Variants in ZPBP observed in about 807,000 individuals in gnomAD.
The protein encoded by ZPBP is zona pellucida-binding protein 1.
Under a neutral mutation model 44.8 loss-of-function variants are expected in ZPBP, and 26 were observed. That is an observed-to-expected ratio of 0.58 (90% CI 0.43 to 0.81). The LOEUF (loss-of-function observed/expected upper bound fraction) is 0.81, where lower values mean the gene tolerates loss of function less well. ZPBP is among the 30% of genes least tolerant of loss of function. The pLI is 0.00. For missense variants in ZPBP, 409 were observed against 434.0 expected, an observed-to-expected ratio of 0.94 and a Z score of 0.51; for synonymous variants, 174 against 153.2, an observed-to-expected ratio of 1.14 and a Z score of -1.00.
chr7:50,004,113 C>T (rs1440785688), intron 6 of ZPBP, among the ~76,000 whole-genome samples: 1 of 152,088 alleles, frequency 6.6e-6, no homozygotes, highest in Non-Finnish European at 1.5e-5. Flanking sequence ...ACATGTGAGT[C>T]AGGGGACCTG....
chr7:50,007,515 G>T (rs1798361131), intron 6 of ZPBP, among the ~76,000 whole-genome samples: 1 of 152,022 alleles, frequency 6.6e-6, no homozygotes, highest in African/African-American at 2.4e-5. Flanking sequence ...GTAGAAGACA[G>T]AAGCCTCTAG....
chr7:49,976,079 C>T (rs946214718), intron 7 of ZPBP, among the ~76,000 whole-genome samples: 3 of 152,072 alleles, frequency 2.0e-5, no homozygotes, highest in Admixed American at 1.3e-4. Flanking sequence ...TTACTTATAC[C>T]AGTTCTAGAC....
intron 1 of ZPBP, among the ~76,000 whole-genome samples, chr7:49,909,489 G>T (rs1433170656): frequency 2.0e-5 from 3 of 152,170 alleles, no homozygotes; most frequent in African/African-American, 7.2e-5. Flanking sequence ...GAGGCCAGTT[G>T]TGTGGGGTGT....
At chr7:49,895,727 G>C (rs1792353881) in intron 2 of ZPBP, among the ~76,000 whole-genome samples, 1 of 60,558 alleles carries the variant, frequency 1.7e-5, no homozygotes, top group Admixed American at 1.2e-4. Context: ...TAATTTTTCT[G>C]CCTGCATATT....
chr7:50,090,935 T>C (rs1214501568), intron 1 of ZPBP, among the ~76,000 whole-genome samples: 3 of 152,184 alleles, frequency 2.0e-5, no homozygotes, highest in Non-Finnish European at 4.4e-5. Flanking sequence ...ACCAGCAGTG[T>C]AGAAGTGTTC....
chr7:50,064,113 AAG>A (rs1418906753), intron 3 of ZPBP, among the ~76,000 whole-genome samples: 8 of 152,204 alleles, frequency 5.3e-5, no homozygotes, highest in Non-Finnish European at 1.0e-4. Context: ...CAGAGTACAA[AAG>A]AGAGAAATTT....
intron 2 of ZPBP, among the ~76,000 whole-genome samples, chr7:50,083,398 A>T (rs1802469010): frequency 6.6e-6 from 1 of 151,990 alleles, no homozygotes; most frequent in African/African-American, 2.4e-5. Flanking sequence ...CATAATCATG[A>T]CTGCATACAC....
At chr7:50,061,292 G>A (rs1801223760) in intron 3 of ZPBP, among the ~76,000 whole-genome samples, 1 of 152,160 alleles carries the variant, frequency 6.6e-6, no homozygotes, top group African/African-American at 2.4e-5. Flanking sequence ...TATTAACATA[G>A]TTCTGGAAGT....
intron 7 of ZPBP, among the ~76,000 whole-genome samples, chr7:49,983,051 T>C (rs1445270770): frequency 6.6e-6 from 1 of 152,040 alleles, no homozygotes; most frequent in Non-Finnish European, 1.5e-5. Context: ...AATTGGCTTT[T>C]TTTAAAGTCA....
At chr7:50,053,161 T>C (rs1800773063) in intron 4 of ZPBP, among the ~76,000 whole-genome samples, 1 of 152,192 alleles carries the variant, frequency 6.6e-6, no homozygotes, top group African/African-American at 2.4e-5. Flanking sequence ...GCTTACAAGA[T>C]ATTACAATTT....
chr7:49,941,934 T>C (rs1794902782), intron 7 of ZPBP, among the ~76,000 whole-genome samples: 3 of 152,048 alleles, frequency 2.0e-5, no homozygotes, highest in South Asian at 2.1e-4. Flanking sequence ...TGGAACAGAA[T>C]AGAAAGCCCA....
chr7:50,057,512 A>G (rs1801017255), intron 4 of ZPBP, among the ~76,000 whole-genome samples: 1 of 152,082 alleles, frequency 6.6e-6, no homozygotes, highest in Non-Finnish European at 1.5e-5. Flanking sequence ...CCACCTTTTC[A>G]TGTTTCTTTC....
chr7:49,882,925 G>T (rs1010687749), intron 2 of ZPBP, among the ~76,000 whole-genome samples: 1 of 151,772 alleles, frequency 6.6e-6, no homozygotes, highest in Non-Finnish European at 1.5e-5. Context: ...CTCTTCTGGA[G>T]AATAAATCCA....
rs372893442 is a variant in ZPBP at position 49,870,293 on chromosome 7, G to A, written n.510-19779C>T. Among the ~76,000 whole-genome samples the A allele has an allele frequency of 8.5e-5, 13 of 152,226 alleles. No individual in the cohort carries two copies. The East Asian group carries it at 9.7e-4, about 11-fold the overall frequency. On this transcript the variant is annotated intron_variant and non_coding_transcript_variant, in intron 2 of 2. Transcript: ENST00000465922. ...CGGGCGCCTGTAGTCCCAGCTACTC[G>A]GGAGGCTGAGGCAGGAGAATGGCGT...
At position 49,889,686 on chromosome 7, in the gene ZPBP, G is replaced by A. The variant is rs761871130; in HGVS notation, n.509+11432C>T. ...CCTAGGAGCTCCTCAAGGCTTTCAC[G>A]TTGCTTTTGCCAGTGACCACTGAAA... is the stretch of plus-strand genomic sequence containing the variant. On this transcript the variant is annotated intron_variant and non_coding_transcript_variant, in intron 2 of 2. Transcript: ENST00000465922. Among the ~76,000 whole-genome samples, 6 of 152,268 alleles carry A rather than the reference G, an allele frequency of 3.9e-5. No individual in the cohort carries two copies. The South Asian group carries it at 8.3e-4, about 21-fold the overall frequency.
chr7:49,863,634 G>T (rs891970903), intron 2 of ZPBP, among the ~76,000 whole-genome samples: 2 of 151,930 alleles, frequency 1.3e-5, no homozygotes, highest in Non-Finnish European at 2.9e-5. Context: ...GTCTTGCCAT[G>T]TTGCCTAGTC....
intron 2 of ZPBP, among the ~76,000 whole-genome samples, chr7:49,867,118 T>C (rs1225433003): frequency 6.6e-6 from 1 of 152,188 alleles, no homozygotes; most frequent in Non-Finnish European, 1.5e-5. Flanking sequence ...CCTGCAGCTA[T>C]GTGGGGAGCC....
intron 7 of ZPBP, among the ~76,000 whole-genome samples, chr7:49,969,015 A>G (rs1313101148): frequency 6.6e-6 from 1 of 151,726 alleles, no homozygotes; most frequent in Non-Finnish European, 1.5e-5. Flanking sequence ...ATGGTGATTG[A>G]TGTCACATTA....
intron 7 of ZPBP, among the ~76,000 whole-genome samples, chr7:49,969,746 G>C (rs1796210282): frequency 6.7e-6 from 1 of 149,844 alleles, no homozygotes; most frequent in South Asian, 2.1e-4. Flanking sequence ...AATCTAGTTG[G>C]GTTTATTTCA....
Sources: gnomAD v4.1 joint callset for allele counts (sites outside exome capture counted in the v4.1 genomes callset) on GRCh38, gnomAD v4.1.1 for gene constraint, MANE v1.5 for transcripts, NCBI Gene and HGNC (gene_info 2026-07-23, HGNC 2026-07-21) for gene names.